The following EFEMP1 variants were observed in gnomAD, a reference collection of about 807,000 sequenced individuals.
EFEMP1 encodes the protein EGF-containing fibulin-like extracellular matrix protein 1.
Under a neutral mutation model 65.7 loss-of-function variants are expected in EFEMP1, and 18 were observed. The observed-to-expected ratio is 0.27, with a 90% CI of 0.19 to 0.41. The LOEUF (loss-of-function observed/expected upper bound fraction) is 0.41, where lower values mean the gene tolerates loss of function less well. Ranked by LOEUF, EFEMP1 falls within the 10% of genes least tolerant of loss-of-function variation. The pLI is 1.00. For missense variants in EFEMP1, 469 were observed against 624.8 expected (o/e 0.75, Z 2.66); for synonymous variants, 237 against 219.7 (o/e 1.08, Z -0.70).
intron 9 of EFEMP1, among the ~76,000 whole-genome samples, chr2:55,872,562 G>A (rs1668852854): frequency 6.6e-6 from 1 of 152,026 alleles, no homozygotes; most frequent in South Asian, 2.1e-4. Context: ...ACTTGATATG[G>A]ATGAAAAACA....
chr2:55,872,394 T>C (rs1668844179), intron 9 of EFEMP1, among the ~76,000 whole-genome samples: 1 of 152,144 alleles, frequency 6.6e-6, no homozygotes, highest in South Asian at 2.1e-4. Context: ...TTCTATTAGC[T>C]TGTAAACTCC....
chr2:55,882,450 T>C (rs1669274404), intron 5 of EFEMP1, among the ~76,000 whole-genome samples: 1 of 152,188 alleles, frequency 6.6e-6, no homozygotes, highest in Non-Finnish European at 1.5e-5. Flanking sequence ...AAATGTGCCT[T>C]AATGAGTATG....
In EFEMP1 at chr2:55,895,497, AG is replaced by A. The variant is rs1306361380; in HGVS notation, c.518-13764del. Among the ~76,000 whole-genome samples the A allele has an allele frequency of 2.6e-5, 4 of 151,776 alleles. No homozygotes were observed. In the East Asian group the frequency reaches 7.7e-4, roughly 29 times the overall value. On this transcript the variant is annotated intron_variant, in intron 5 of 11. Transcript: ENST00000355426. ...AGCTCAACTCCAGGTCACCACAGAA[AG>A]TAGCTTGTTCAGGTGACCTTTAGGA...
At position 55,923,076 on chromosome 2, in the gene EFEMP1, C is replaced by T. The variant is rs570663925; in HGVS notation, c.-48-137G>A. 5 of 511,850 alleles carry T rather than the reference C, an allele frequency of 9.8e-6. No homozygotes were observed. Among genetic ancestry groups the T allele is most frequent in the Admixed American group, 1.2e-4 (2 of 16,954 alleles). 31.7% of individuals were successfully genotyped at this position (511,850 alleles called of 1,614,324 possible). ...CACATGTCTCAGAGCTTCTCACATC[C>T]CCCAGCACAAACTCTCAAAGTGGCA... is the stretch of plus-strand genomic sequence containing the variant. On this transcript the variant is annotated intron_variant, in intron 1 of 11. Transcript: ENST00000355426. This position sits in a 1 kb window ranked among gnomAD's most constrained non-coding sequence, Gnocchi z 5.3.
intron 5 of EFEMP1, among the ~76,000 whole-genome samples, chr2:55,888,335 T>TTA (rs1669504125): frequency 2.4e-5 from 1 of 41,628 alleles, no homozygotes; most frequent in African/African-American, 8.1e-5. Flanking sequence ...CTTCTTAAAC[T>TTA]TTTTTTTTTT....
intron 5 of EFEMP1, among the ~76,000 whole-genome samples, chr2:55,893,182 A>G (rs1669698164): frequency 6.6e-6 from 1 of 152,182 alleles, no homozygotes. Flanking sequence ...GAGGAATCAT[A>G]CTATTCTCTA....
At chr2:55,875,280 A>G (rs553826401) in intron 8 of EFEMP1, among the ~76,000 whole-genome samples, 3 of 149,570 alleles carry the variant, frequency 2.0e-5, no homozygotes, top group South Asian at 4.2e-4. Flanking sequence ...TTCTTGTCCT[A>G]TTCCTGCTAC....
At chr2:55,914,414 G>T (rs1670598799) in intron 5 of EFEMP1, among the ~76,000 whole-genome samples, 1 of 152,054 alleles carries the variant, frequency 6.6e-6, no homozygotes, top group African/African-American at 2.4e-5. Flanking sequence ...AATACATGAA[G>T]GGGAATAAAC....
At chr2:55,884,710 A>G (rs1442596547) in intron 5 of EFEMP1, among the ~76,000 whole-genome samples, 1 of 152,236 alleles carries the variant, frequency 6.6e-6, no homozygotes, top group African/African-American at 2.4e-5. Flanking sequence ...AGGACAAATT[A>G]CTATGGGGAG....
chr2:55,876,636 C>T lies in EFEMP1; in HGVS notation c.867G>A (p.Arg289=). ...GAAGAGTTTTACCTTCACAGTTGAG[C>T]CTGTCACTGCTTAGCTCATATCCTT... ...CNQGYELSSD[R]LNCEDIDECR... Residue 289 remains arginine, a synonymous_variant, in exon 8 of 12, where the codon AGG becomes AGA. Coordinates refer to ENST00000355426, the MANE Select transcript of EFEMP1 (RefSeq NM_001039348.3). 6.2e-7 allele frequency: 1 copy of T among 1,612,170 alleles called. No individual in the cohort carries two copies. Among genetic ancestry groups the T allele is most frequent in the East Asian group, 2.2e-5 (1 of 44,816 alleles).
chr2:55,887,969 C>G (rs1477340983), intron 5 of EFEMP1, among the ~76,000 whole-genome samples: 2 of 152,216 alleles, frequency 1.3e-5, no homozygotes, highest in African/African-American at 4.8e-5. Flanking sequence ...CCTCACGTAG[C>G]TTCCTCTGTG....
intron 5 of EFEMP1, among the ~76,000 whole-genome samples, chr2:55,902,992 C>T (rs528775819): frequency 3.9e-5 from 6 of 152,190 alleles, no homozygotes; most frequent in Admixed American, 3.9e-4. Flanking sequence ...TAAATAATTT[C>T]AAGTAAGAGC....
In EFEMP1 at chr2:55,917,248, A is replaced by C. The variant is rs1356097879; in HGVS notation, c.517+417T>G. On this transcript the variant is annotated intron_variant, in intron 5 of 11. Coordinates refer to ENST00000355426, the MANE Select transcript of EFEMP1 (RefSeq NM_001039348.3). The surrounding 1 kb of genome is among the most constrained non-coding windows in gnomAD (Gnocchi z 6.3). The stretch of plus-strand genomic sequence containing the variant: ...TTTGGCACCCGCCTTCCTGGGTTGG[A>C]AGGTCAGCTCTGCACTTAGCACCTG... 6.6e-6 allele frequency among the ~76,000 whole-genome samples: 1 copy of C among 152,126 alleles called. No homozygotes were observed. The highest frequency in any genetic ancestry group is 6.6e-5 in the Admixed American group (1 of 15,266).
chr2:55,866,962 G>A lies in EFEMP1; in HGVS notation c.*111C>T, dbSNP rs1012122862. 21 of 1,348,156 alleles carry A rather than the reference G, an allele frequency of 1.6e-5. No individual in the cohort carries two copies. Among genetic ancestry groups the A allele is most frequent in the Non-Finnish European group, 2.0e-5 (19 of 951,344 alleles). The allele number at this position is 1,348,156 out of a possible 1,614,324, so 83.5% of individuals were successfully genotyped here. A position where few individuals can be genotyped will look rare whatever the true frequency, so the allele number is the denominator to read the frequency against. ...GTAATTGTTTGAATTATGGGTGAGTGTACAGTATAGAGATGTAGATGCACT... is the reference window on the plus strand; with the variant it reads ...GTAATTGTTTGAATTATGGGTGAGTATACAGTATAGAGATGTAGATGCACT... On this transcript the variant is annotated 3_prime_UTR_variant, in exon 12 of 12. Transcript: ENST00000355426.
Position 55,917,549 on chromosome 2 carries a change from A to T in EFEMP1, c.517+116T>A. ...GTGATGATTAAATATAATGCAGACA[A>T]AGCACTTAGCATGATGTCTGGCACG... On this transcript the variant is annotated intron_variant, in intron 5 of 11. Transcript: ENST00000355426. This position sits in a 1 kb window ranked among gnomAD's most constrained non-coding sequence, Gnocchi z 6.3. The T allele has an allele frequency of 7.7e-7, 1 of 1,302,104 alleles. No individual in the cohort carries two copies. 80.7% of individuals were successfully genotyped at this position (1,302,104 alleles called of 1,614,324 possible). A position where few individuals can be genotyped will look rare whatever the true frequency, so the allele number is the denominator to read the frequency against.
chr2:55,894,248 G>C (rs1395723881), intron 5 of EFEMP1, among the ~76,000 whole-genome samples: 3 of 152,118 alleles, frequency 2.0e-5, no homozygotes, highest in African/African-American at 7.2e-5. Flanking sequence ...AAAAAGATAT[G>C]AAAAATGTAA....
chr2:55,904,534 G>A (rs1462665902), intron 5 of EFEMP1, among the ~76,000 whole-genome samples: 2 of 152,234 alleles, frequency 1.3e-5, no homozygotes, highest in Admixed American at 1.3e-4. Context: ...GCAGGTGGAT[G>A]TAATCTAGTC....
intron 5 of EFEMP1, among the ~76,000 whole-genome samples, chr2:55,908,435 G>A (rs181204235): frequency 6.6e-6 from 1 of 152,184 alleles, no homozygotes; most frequent in East Asian, 1.9e-4. Context: ...AGAGGCTGAG[G>A]GTGAGAATGG....
At chr2:55,903,465 C>T (rs1670121003) in intron 5 of EFEMP1, among the ~76,000 whole-genome samples, 1 of 152,194 alleles carries the variant, frequency 6.6e-6, no homozygotes, top group Non-Finnish European at 1.5e-5. Flanking sequence ...AAGACAGGTT[C>T]TGCATACATC....
Sources: allele counts gnomAD v4.1 joint callset (sites outside exome capture counted in the v4.1 genomes callset), GRCh38; gene constraint gnomAD v4.1.1; non-coding constraint Gnocchi (gnomAD v3.1); transcripts MANE v1.5; gene names NCBI Gene and HGNC (gene_info 2026-07-23, HGNC 2026-07-21).